Variants in TTC29 observed in about 807,000 individuals in gnomAD.
The protein encoded by TTC29 is tetratricopeptide repeat domain 29.
Under a neutral mutation model 58.1 loss-of-function variants are expected in TTC29, and 49 were observed. The observed-to-expected ratio is 0.84, with a 90% CI of 0.67 to 1.07. The LOEUF (loss-of-function observed/expected upper bound fraction) is 1.07. TTC29 is among the 50% of genes least tolerant of loss of function. TTC29 has a pLI of 0.00. For missense variants in TTC29, 582 were observed against 555.6 expected, an observed-to-expected ratio of 1.05 and a Z score of -0.48; for synonymous variants, 209 against 196.8, an observed-to-expected ratio of 1.06 and a Z score of -0.52.
Position 146,803,499 on chromosome 4 carries a change from A to C in TTC29, c.1288T>G (p.Trp430Gly), listed in dbSNP as rs148060312. ...DLTSLNYLLS[W>G]KESRGNIEPD... is the part of the protein sequence containing the mutation. ...TCAATGTTACCTCTGCTCTCCTTCCATGACAGCAGGTAGTTGAGGCTGGTG... is the reference window on the plus strand; with the variant it reads ...TCAATGTTACCTCTGCTCTCCTTCCCTGACAGCAGGTAGTTGAGGCTGGTG... Residue 430 changes from tryptophan (W) to glycine (G), a missense_variant, in exon 11 of 13, where the codon TGG becomes GGG. Trp to Gly is a radical substitution (Grantham distance 184). Coordinates refer to ENST00000325106, the MANE Select transcript of TTC29 (RefSeq NM_031956.4). 1.6e-5 allele frequency: 25 copies of C among 1,598,308 alleles called. No individual in the cohort carries two copies. The East Asian group carries it at 2.7e-4, about 17-fold the overall frequency.
At chr4:146,944,405 G>T (rs1736727141) in intron 2 of TTC29, 1 of 152,216 alleles carries the variant, frequency 6.6e-6, no homozygotes, top group South Asian at 2.1e-4. Context: ...GAGAGTGCTA[G>T]GTCAGGCTGA....
intron 11 of TTC29, among the ~76,000 whole-genome samples, chr4:146,798,587 A>T (rs1387594889): frequency 2.6e-5 from 4 of 152,094 alleles, no homozygotes; most frequent in African/African-American, 4.8e-5. Flanking sequence ...TTGTACTCTT[A>T]AAGACTACAA....
intron 11 of TTC29, among the ~76,000 whole-genome samples, chr4:146,722,628 GA>G (rs983062812): frequency 6.7e-6 from 1 of 150,090 alleles, no homozygotes; most frequent in Non-Finnish European, 1.5e-5. Flanking sequence ...ATATGCAGAA[GA>G]AAAAAAAATG....
intron 11 of TTC29, among the ~76,000 whole-genome samples, chr4:146,793,733 T>C (rs1257578452): frequency 6.6e-6 from 1 of 152,174 alleles, no homozygotes; most frequent in Non-Finnish European, 1.5e-5. Context: ...CATCTACTTA[T>C]CTTTTATAAA....
At chr4:146,708,469 G>GTT (rs756526139) in intron 11 of TTC29, among the ~76,000 whole-genome samples, 490 of 149,146 alleles carry the variant, frequency 3.3e-3, no homozygotes, top group Non-Finnish European at 5.7e-3. Context: ...AATATGGGAA[G>GTT]TTTATATATG....
chr4:146,902,313 A>T (rs554639486), intron 6 of TTC29, among the ~76,000 whole-genome samples: 44 of 152,206 alleles, frequency 2.9e-4, no homozygotes, highest in African/African-American at 1.0e-3. Context: ...GGGTGGGAAG[A>T]GTGGGGAGGA....
At chr4:146,928,713 A>C (rs1470387047) in intron 4 of TTC29, among the ~76,000 whole-genome samples, 3 of 152,138 alleles carry the variant, frequency 2.0e-5, no homozygotes, top group Non-Finnish European at 4.4e-5. Flanking sequence ...TGTCACTTGA[A>C]TATATTCTAA....
chr4:146,869,632 G>A lies in TTC29; in HGVS notation c.800-2049C>T, dbSNP rs537955424. Among the ~76,000 whole-genome samples, 5 of 152,140 alleles carry A rather than the reference G, an allele frequency of 3.3e-5. No individual in the cohort carries two copies. The East Asian group carries it at 9.7e-4, about 29-fold the overall frequency. On this transcript the variant is annotated intron_variant, in intron 7 of 12. Coordinates refer to ENST00000325106, the MANE Select transcript of TTC29 (RefSeq NM_031956.4). ...GTGGTATGTATTTTCTGTGTCAAGT[G>A]GTGTAACTGTGTTAAAGCACTAGCA...
At chr4:146,815,221 T>C (rs150909959) in intron 10 of TTC29, among the ~76,000 whole-genome samples, 139 of 152,192 alleles carry the variant, frequency 9.1e-4, no homozygotes, top group African/African-American at 3.0e-3. Context: ...TGAGACAATA[T>C]AGTGTCATAA....
intron 11 of TTC29, among the ~76,000 whole-genome samples, chr4:146,794,971 T>C (rs186509819): frequency 6.6e-6 from 1 of 152,236 alleles, no homozygotes; most frequent in East Asian, 1.9e-4. Context: ...GGTTAATAAA[T>C]GCAATCCCTC....
chr4:146,725,872 C>A (rs1472202776), intron 11 of TTC29, among the ~76,000 whole-genome samples: 1 of 152,054 alleles, frequency 6.6e-6, no homozygotes, highest in Non-Finnish European at 1.5e-5. Flanking sequence ...TACACCTATA[C>A]ACCTATTCTA....
chr4:146,750,078 G>A (rs1345766807), intron 11 of TTC29, among the ~76,000 whole-genome samples: 1 of 152,106 alleles, frequency 6.6e-6, no homozygotes, highest in East Asian at 1.9e-4. Context: ...TGCGATCTCG[G>A]CTCACTGCAA....
chr4:146,874,690 A>T (rs1383618924), intron 7 of TTC29, 26 bp downstream of exon 7: 1 of 1,543,408 alleles, frequency 6.5e-7, no homozygotes, highest in Non-Finnish European at 8.9e-7. Flanking sequence ...AAAGAAAGCA[A>T]TGTGAGAGAG....
chr4:146,874,875 C>T lies in TTC29; in HGVS notation c.640G>A (p.Gly214Arg), dbSNP rs1053527338. Residue 214 changes from glycine to arginine, a missense_variant, in exon 7 of 13, where the codon GGG becomes AGG. By Grantham distance (125) the Gly-to-Arg change is moderately radical. Coordinates refer to ENST00000325106, the MANE Select transcript of TTC29 (RefSeq NM_031956.4). The part of the protein sequence containing the change: ...HYEAFHQLTQ[G>R]RIWKDETGRS... ...CCTGTCTCATCCTTCCATATCCGCC[C>T]CTGTGTCAATTGATGGAATGCTTCA... The T allele has an allele frequency of 6.2e-7, 1 of 1,613,522 alleles. No individual in the cohort carries two copies. Among genetic ancestry groups the T allele is most frequent in the Non-Finnish European group, 8.5e-7 (1 of 1,179,712 alleles).
intron 9 of TTC29, among the ~76,000 whole-genome samples, chr4:146,824,566 T>C (rs970867213): frequency 5.3e-5 from 8 of 152,324 alleles, no homozygotes; most frequent in Admixed American, 3.3e-4. Context: ...AATTTTCTTT[T>C]TTTTTGTGGT....
intron 11 of TTC29, among the ~76,000 whole-genome samples, chr4:146,744,703 AC>A (rs1745415096): frequency 6.6e-6 from 1 of 152,104 alleles, no homozygotes; most frequent in Admixed American, 6.5e-5. Context: ...TCTCTCACCA[AC>A]TATCAAAGTA....
chr4:146,766,143 T>C (rs1250352450), intron 11 of TTC29, among the ~76,000 whole-genome samples: 1 of 152,064 alleles, frequency 6.6e-6, no homozygotes, highest in Admixed American at 6.6e-5. Flanking sequence ...TTCTAGTGTA[T>C]GAATGGCCAT....
At chr4:146,708,361 T>A (rs1177446474) in intron 11 of TTC29, among the ~76,000 whole-genome samples, 2 of 128,952 alleles carry the variant, frequency 1.6e-5, no homozygotes, top group African/African-American at 5.8e-5. Context: ...TATATACACA[T>A]GTATGTGTGT....
chr4:146,754,914 G>C (rs1329332567), intron 11 of TTC29, among the ~76,000 whole-genome samples: 5 of 151,432 alleles, frequency 3.3e-5, no homozygotes, highest in Non-Finnish European at 7.4e-5. Flanking sequence ...AATCAGAAAA[G>C]AAAAAGAAAT....
Sources: gnomAD v4.1 joint callset for allele counts (sites outside exome capture counted in the v4.1 genomes callset) on GRCh38, gnomAD v4.1.1 for gene constraint, MANE v1.5 for transcripts, NCBI Gene and HGNC (gene_info 2026-07-23, HGNC 2026-07-21) for gene names.